The following SULT1A2 variants were observed in gnomAD, a reference collection of about 807,000 sequenced individuals.
SULT1A2 encodes the protein sulfotransferase family 1A member 2.
In SULT1A2, 33 loss-of-function variants were observed where a neutral mutation model predicts 36.0. The observed-to-expected ratio is 0.92, with a 90% CI of 0.69 to 1.22. The LOEUF (loss-of-function observed/expected upper bound fraction) is 1.22. Among genes scored for constraint, SULT1A2 ranks in the 50% most tolerant of loss-of-function variants. The pLI is 0.00. For missense variants in SULT1A2, 367 were observed against 383.2 expected, an observed-to-expected ratio of 0.96 and a Z score of 0.35; for synonymous variants, 138 against 144.5, an observed-to-expected ratio of 0.96 and a Z score of 0.32.
intron 4 of SULT1A2, among the ~76,000 whole-genome samples, 175 bp downstream of exon 4, chr16:28,595,192 G>C (rs1037031870): frequency 6.6e-6 from 1 of 151,964 alleles, no homozygotes; most frequent in Non-Finnish European, 1.5e-5. Context: ...AGGCTCAGAT[G>C]ATCCTCCCAC....
chr16:28,594,769 G>A (rs973861832), intron 4 of SULT1A2, among the ~76,000 whole-genome samples: 1 of 69,576 alleles, frequency 1.4e-5, no homozygotes, highest in Non-Finnish European at 3.0e-5. Flanking sequence ...GCCACCTGCC[G>A]CTTTTTTTTT....
At position 28,596,130 on chromosome 16, in the gene SULT1A2, T is replaced by G. The variant is rs944422614; in HGVS notation, c.-4-196A>C. 2.6e-4 allele frequency: 361 copies of G among 1,381,302 alleles called. 1 individual carries two copies. The highest frequency in any genetic ancestry group is 2.8e-4 in the Non-Finnish European group (289 of 1,036,028). 85.6% of individuals were successfully genotyped at this position (1,381,302 alleles called of 1,614,324 possible). On this transcript the variant is annotated intron_variant, in intron 1 of 7. Transcript: ENST00000335715. ...AATGTGGTGGTTCCCCAGCCTGGCC[T>G]CACCTTTCATTCACCTGCGGAGCTG...
At position 28,596,325 on chromosome 16, in the gene SULT1A2, A is replaced by G. The variant is rs2047059475; in HGVS notation, c.-4-391T>C. ...GCCAGCCAGCGCCCTTTGTCTCACC[A>G]TTTCCTGCTGGGACCCCCAGCCTCC... On this transcript the variant is annotated intron_variant, in intron 1 of 7. Transcript: ENST00000335715. 5 of 1,145,352 alleles carry G rather than the reference A, an allele frequency of 4.4e-6. No homozygotes were observed. In the South Asian group the frequency reaches 1.0e-4, roughly 23 times the overall value. The allele number at this position is 1,145,352 out of a possible 1,614,324, so 70.9% of individuals were successfully genotyped here.
intron 4 of SULT1A2, among the ~76,000 whole-genome samples, chr16:28,594,381 G>A (rs1322564480): frequency 1.3e-5 from 2 of 152,146 alleles, no homozygotes; most frequent in African/African-American, 4.8e-5. Context: ...AGCTCAAGCG[G>A]TCCACCCATC....
In SULT1A2 at chr16:28,595,554, G is replaced by T; in HGVS notation, c.270C>A (p.Pro90=). The T allele has an allele frequency of 2.5e-6, 4 of 1,614,166 alleles. No individual in the cohort carries two copies. Among genetic ancestry groups the T allele is most frequent in the Non-Finnish European group, 3.4e-6 (4 of 1,180,038 alleles). Residue 90 remains proline (P), a synonymous_variant, in exon 3 of 8, where the codon CCC becomes CCA. Coordinates refer to ENST00000335715, the MANE Select transcript of SULT1A2 (RefSeq NM_001054.4). ...PFLEFKVPGI[P]SGMETLKNTP... The stretch of plus-strand genomic sequence containing the variant: ...TTGCACCCAGGACACACACACCTGA[G>T]GGAATCCCTGGGACTTTGAACTCAA...
At chr16:28,592,940 AG>A (rs750859547) in intron 6 of SULT1A2, among the ~76,000 whole-genome samples, 5 of 151,994 alleles carry the variant, frequency 3.3e-5, no homozygotes, top group African/African-American at 4.8e-5. Context: ...TGAACCTGGG[AG>A]GGGGGGTTAC....
intron 6 of SULT1A2, 121 bp downstream of exon 6, chr16:28,593,131 T>G: frequency 7.0e-7 from 1 of 1,428,994 alleles, no homozygotes. Flanking sequence ...GGAGTCAAGA[T>G]GGGGAATCCG....
Position 28,592,421 on chromosome 16 carries a change from T to C in SULT1A2, c.617A>G (p.Lys206Arg). Residue 206 changes from lysine to arginine, a missense_variant, in exon 7 of 8, where the codon AAG becomes AGG. By Grantham distance (26) the Lys-to-Arg change is conservative (BLOSUM62 2). Coordinates refer to ENST00000335715, the MANE Select transcript of SULT1A2 (RefSeq NM_001054.4). ...MKENPKREIQ[K>R]ILEFVGRSLP... ...GGAGCGCCCCACAAACTCCAGGATC[T>C]TTTGAATCTCCCTTTTGGGGTTCTG... 1 of 1,614,176 alleles carries C rather than the reference T, an allele frequency of 6.2e-7. No homozygotes were observed. Among genetic ancestry groups the C allele is most frequent in the South Asian group, 1.1e-5 (1 of 91,088 alleles).
intron 4 of SULT1A2, among the ~76,000 whole-genome samples, chr16:28,594,958 T>C (rs9937476): frequency 0.018 from 2,702 of 151,506 alleles, 83 homozygotes; most frequent in African/African-American, 0.062. Flanking sequence ...TTTTTTTGTA[T>C]TTTTAGTAGA....
intron 1 of SULT1A2, 120 bp downstream of exon 1, chr16:28,596,877 T>C: frequency 1.5e-6 from 1 of 656,768 alleles, no homozygotes. Context: ...GCCGGGGTTG[T>C]CTGAAATGGG....
intron 4 of SULT1A2, among the ~76,000 whole-genome samples, chr16:28,594,861 A>G (rs1325543166): frequency 1.5e-5 from 2 of 137,328 alleles, no homozygotes; most frequent in Non-Finnish European, 3.1e-5. Flanking sequence ...GCTGACTACA[A>G]CCTCTGCCTC....
chr16:28,595,421 C>G lies in SULT1A2; in HGVS notation c.318G>C (p.Lys106Asn). The part of the protein sequence containing the change: ...LKNTPAPRLL[K>N]THLPLALLPQ... ...GGAGCAGAGCCAGGGGCAGGTGTGTCTTCAGGAGTCGTGGGGCTGGTGTGT... is the reference window on the plus strand; with the variant it reads ...GGAGCAGAGCCAGGGGCAGGTGTGTGTTCAGGAGTCGTGGGGCTGGTGTGT... The change falls in exon 4 of 8, where the codon AAG becomes AAC. Residue 106 changes from lysine to asparagine, a missense_variant. Lys to Asn is a moderately conservative substitution (Grantham distance 94). Transcript: ENST00000335715. The G allele has an allele frequency of 6.2e-7, 1 of 1,614,062 alleles. No individual in the cohort carries two copies. Among genetic ancestry groups the G allele is most frequent in the Non-Finnish European group, 8.5e-7 (1 of 1,180,016 alleles).
At chr16:28,595,219 G>A in intron 4 of SULT1A2, 148 bp downstream of exon 4, 1 of 1,023,524 alleles carries the variant, frequency 9.8e-7, no homozygotes, top group Non-Finnish European at 1.4e-6. Context: ...CTCCTGAGTA[G>A]CTGGTATTAC....
In SULT1A2 at chr16:28,592,281, A is replaced by G; in HGVS notation, c.757T>C (p.Ser253Pro). The G allele has an allele frequency of 1.9e-6, 3 of 1,613,856 alleles. No individual in the cohort carries two copies. The highest frequency in any genetic ancestry group is 2.5e-6 in the Non-Finnish European group (3 of 1,179,828). ...CACCTACCTTTCCTCATGAAGGGGG[A>G]GATGCTGTGGTCCATGAACTCCCGG... ...VRREFMDHSI[S>P]PFMRKGMAGD... is the part of the protein sequence containing the mutation. Residue 253 changes from serine to proline, a missense_variant, in exon 7 of 8, where the codon TCC (serine) becomes CCC (proline). Coordinates refer to ENST00000335715, the MANE Select transcript of SULT1A2 (RefSeq NM_001054.4).
At position 28,593,082 on chromosome 16, in the gene SULT1A2, G is replaced by A. The variant is rs374673715; in HGVS notation, c.594+170C>T. The stretch of plus-strand genomic sequence containing the variant: ...GCACAGGAGATGAGAGCTGTGCCCA[G>A]CCTGCTGCCACATGGGGCTGCAGTG... On this transcript the variant is annotated intron_variant, in intron 6 of 7. Coordinates refer to ENST00000335715, the MANE Select transcript of SULT1A2 (RefSeq NM_001054.4). Among the ~76,000 whole-genome samples the A allele has an allele frequency of 4.6e-5, 7 of 152,332 alleles. No homozygotes were observed. The South Asian group carries it at 1.4e-3, about 32-fold the overall frequency.
In SULT1A2 at chr16:28,592,154, G is replaced by C. The variant is rs1393695323; in HGVS notation, c.776-14C>G. On this transcript the variant is annotated splice_polypyrimidine_tract_variant and intron_variant, in intron 7 of 7. Coordinates refer to ENST00000335715, the MANE Select transcript of SULT1A2 (RefSeq NM_001054.4). ...CCCCAGCCATGCCTGGGGGAGGAAG[G>C]CAGGGAGCAAAGCTGGAGTCTCATC... 1.9e-6 allele frequency: 3 copies of C among 1,612,300 alleles called. No homozygotes were observed. In the African/African-American group the frequency reaches 4.0e-5, roughly 22 times the overall value.
At position 28,592,357 on chromosome 16, in the gene SULT1A2, C is replaced by T. The variant is rs1481113215; in HGVS notation, c.681G>A (p.Thr227=). The T allele has an allele frequency of 1.2e-5, 19 of 1,613,886 alleles. No individual in the cohort carries two copies. Among genetic ancestry groups the T allele is most frequent in the Non-Finnish European group, 1.6e-5 (19 of 1,179,894 alleles). Residue 227 remains threonine (T), a synonymous_variant, in exon 7 of 8, where the codon ACG becomes ACA. Coordinates refer to ENST00000335715, the MANE Select transcript of SULT1A2 (RefSeq NM_001054.4). ...GGTTCTTCTTCATCTCCTTGAACGA[C>T]GTGTGCTCAACCATGAGGTCCACAG... ...EETVDLMVEH[T]SFKEMKKNPM...
Position 28,594,770 on chromosome 16 carries a change from C to CTTTTTTTTT in SULT1A2, c.372+588_372+596dup, listed in dbSNP as rs1033591115. On this transcript the variant is annotated intron_variant, in intron 4 of 7. Transcript: ENST00000335715. Reference sequence around the variant, plus strand: ...AGGCCCAGCCCCCTGCCACCTGCCGCTTTTTTTTTTTTTTTTTTTTTTTTT... The same window carrying CTTTTTTTTT: ...AGGCCCAGCCCCCTGCCACCTGCCGCTTTTTTTTTTTTTTTTTTTTTTTTTTTTTTTTTT... Among the ~76,000 whole-genome samples, 164 of 53,836 alleles carry CTTTTTTTTT rather than the reference C, an allele frequency of 3.0e-3. 21 individuals carry two copies. The highest frequency in any genetic ancestry group is 0.011 in the African/African-American group (156 of 14,360). 35.3% of individuals were successfully genotyped at this position (53,836 alleles called of 152,430 possible). A position where few individuals can be genotyped will look rare whatever the true frequency, so the allele number is the denominator to read the frequency against.
Position 28,595,907 on chromosome 16 carries a change from A to G in SULT1A2, c.24T>C (p.Ser8=), listed in dbSNP as rs1059489. 0.25 allele frequency: 318,449 copies of G among 1,265,734 alleles called. 91,759 individuals are homozygous for G. The highest frequency in any genetic ancestry group is 0.31 in the Admixed American group (16,115 of 51,446). 78.4% of individuals were successfully genotyped at this position (1,265,734 alleles called of 1,614,324 possible). Residue 8 remains serine (S), a synonymous_variant, in exon 2 of 8, where the codon TCT becomes TCC. Coordinates refer to ENST00000335715, the MANE Select transcript of SULT1A2 (RefSeq NM_001054.4). MELIQDI[S]RPPLEYVKGV... is the part of the protein sequence containing the mutation. ...CCTTCACGTACTCCAGTGGCGGGCG[A>G]GAGATGTCCTGGATCAGCTCCATGT...
Sources: allele counts gnomAD v4.1 joint callset (sites outside exome capture counted in the v4.1 genomes callset), GRCh38; gene constraint gnomAD v4.1.1; transcripts MANE v1.5; gene names NCBI Gene and HGNC (gene_info 2026-07-23, HGNC 2026-07-21).